The following ROR2 variants were observed in gnomAD, a reference collection of about 807,000 sequenced individuals.
The protein encoded by ROR2 is tyrosine-protein kinase transmembrane receptor ROR2.
Under a neutral mutation model 74.9 loss-of-function variants are expected in ROR2, and 33 were observed. That is an observed-to-expected ratio of 0.44 (90% CI 0.33 to 0.59). The LOEUF is 0.59. ROR2 is among the 20% of genes least tolerant of loss of function. The probability of loss-of-function intolerance (pLI) is 0.02; values close to 1 mark genes in which losing one functional copy is unlikely to be tolerated. For missense variants in ROR2, 1,216 were observed against 1,313.8 expected, an observed-to-expected ratio of 0.93 and a Z score of 1.15; for synonymous variants, 586 against 558.7, an observed-to-expected ratio of 1.05 and a Z score of -0.69.
intron 2 of ROR2, among the ~76,000 whole-genome samples, chr9:91,762,910 C>T (rs185837747): frequency 5.2e-4 from 79 of 152,268 alleles, no homozygotes; most frequent in African/African-American, 1.7e-3. Flanking sequence ...GATGTCTTGT[C>T]CTGTGCATAT....
chr9:91,791,253 G>A (rs969963229), intron 1 of ROR2, among the ~76,000 whole-genome samples: 7 of 152,090 alleles, frequency 4.6e-5, no homozygotes, highest in Non-Finnish European at 8.8e-5. Flanking sequence ...TTAGATACAC[G>A]AATACCACTG....
At chr9:91,756,424 C>T (rs1425594223) in intron 3 of ROR2, among the ~76,000 whole-genome samples, 1 of 152,152 alleles carries the variant, frequency 6.6e-6, no homozygotes, top group Non-Finnish European at 1.5e-5. Flanking sequence ...AGGGCCGGGG[C>T]GTTTGCTGCC....
intron 1 of ROR2, among the ~76,000 whole-genome samples, chr9:91,836,632 G>A (rs888745803): frequency 3.9e-5 from 6 of 152,062 alleles, no homozygotes; most frequent in Non-Finnish European, 5.9e-5. Context: ...GTGCGACAAC[G>A]CAGCTAACTG....
chr9:91,852,808 G>A (rs1248334669), intron 1 of ROR2, among the ~76,000 whole-genome samples: 1 of 152,234 alleles, frequency 6.6e-6, no homozygotes, highest in Non-Finnish European at 1.5e-5. Flanking sequence ...GAACTTGGGG[G>A]ATTCCCCTTC....
chr9:91,790,105 G>A (rs1826922217), intron 1 of ROR2, among the ~76,000 whole-genome samples: 1 of 152,188 alleles, frequency 6.6e-6, no homozygotes, highest in Non-Finnish European at 1.5e-5. Flanking sequence ...TTACAATGGA[G>A]CTGGAAAATT....
chr9:91,852,651 C>CACACACAAACACA (rs1231343818), intron 1 of ROR2, among the ~76,000 whole-genome samples: 1 of 143,182 alleles, frequency 7.0e-6, no homozygotes, highest in African/African-American at 2.7e-5. Context: ...ACACACACAC[C>CACACACAAACACA]CACACACACA....
intron 2 of ROR2, among the ~76,000 whole-genome samples, chr9:91,775,267 T>C (rs1826381661): frequency 6.6e-6 from 1 of 152,210 alleles, no homozygotes; most frequent in Admixed American, 6.5e-5. Context: ...CGGGGGAAAC[T>C]TGTTCTATTG....
Position 91,905,144 on chromosome 9 carries a change from A to G in ROR2, c.97+44723T>C, listed in dbSNP as rs192499004. Among the ~76,000 whole-genome samples the G allele has an allele frequency of 7.9e-3, 1,191 of 149,814 alleles. 10 individuals are homozygous for G. The highest frequency in any genetic ancestry group is 0.013 in the Non-Finnish European group (856 of 67,562). On this transcript the variant is annotated intron_variant, in intron 1 of 8. Transcript: ENST00000375708. The surrounding 1 kb of genome is among the most constrained non-coding windows in gnomAD (Gnocchi z 5.3). ...TATCACACACACACCCCCCACACAA[A>G]TATCACACATGCAAGACACACCACA... is the stretch of plus-strand genomic sequence containing the variant.
chr9:91,920,680 A>G (rs1831241167), intron 1 of ROR2, among the ~76,000 whole-genome samples: 1 of 152,166 alleles, frequency 6.6e-6, no homozygotes, highest in African/African-American at 2.4e-5. Flanking sequence ...ATATCGACAA[A>G]GCAAATGAAG....
intron 1 of ROR2, among the ~76,000 whole-genome samples, chr9:91,833,063 C>A (rs986417018): frequency 1.3e-5 from 2 of 152,176 alleles, no homozygotes; most frequent in Non-Finnish European, 2.9e-5. Flanking sequence ...CTAAGCCCTG[C>A]AACACCCCCA....
chr9:91,757,035 G>A (rs562395855), intron 3 of ROR2, among the ~76,000 whole-genome samples: 8 of 152,204 alleles, frequency 5.3e-5, no homozygotes, highest in African/African-American at 1.7e-4. Context: ...CTCCCAAAGT[G>A]CTGGAATTAC....
chr9:91,753,144 A>G (rs376568851), intron 4 of ROR2, among the ~76,000 whole-genome samples: 1 of 152,270 alleles, frequency 6.6e-6, no homozygotes, highest in African/African-American at 2.4e-5. Flanking sequence ...CTTTCAAGGA[A>G]ATCATGACAT....
chr9:91,790,402 C>T (rs1826932792), intron 1 of ROR2, among the ~76,000 whole-genome samples: 2 of 151,314 alleles, frequency 1.3e-5, no homozygotes, highest in Admixed American at 6.6e-5. Context: ...CCCAGCTACT[C>T]GGGAGGCTGA....
chr9:91,948,035 G>T (rs1452732962), intron 1 of ROR2, among the ~76,000 whole-genome samples: 1 of 152,048 alleles, frequency 6.6e-6, no homozygotes, highest in African/African-American at 2.4e-5. Flanking sequence ...TAAAGAAAAC[G>T]ACTCCAATTG....
At chr9:91,767,188 C>T (rs1255256132) in intron 2 of ROR2, among the ~76,000 whole-genome samples, 1 of 152,036 alleles carries the variant, frequency 6.6e-6, no homozygotes. Flanking sequence ...AATTCTCCTG[C>T]CTCAGCCTCC....
At chr9:91,886,560 C>G (rs1299399136) in intron 1 of ROR2, 1 of 152,538 alleles carries the variant, frequency 6.6e-6, no homozygotes, top group Non-Finnish European at 1.5e-5. Flanking sequence ...CGAGGGGACC[C>G]GCGACCACCA....
chr9:91,834,734 G>A (rs1273790157), intron 1 of ROR2, among the ~76,000 whole-genome samples: 1 of 152,222 alleles, frequency 6.6e-6, no homozygotes, highest in Non-Finnish European at 1.5e-5. Context: ...GAGAGCTCTT[G>A]CGATTTTAAA....
chr9:91,894,718 T>A (rs1830497386), intron 1 of ROR2, among the ~76,000 whole-genome samples: 1 of 152,202 alleles, frequency 6.6e-6, no homozygotes, highest in Non-Finnish European at 1.5e-5. Flanking sequence ...TCCTTTCCAG[T>A]TCCTTCAGTA....
intron 1 of ROR2, among the ~76,000 whole-genome samples, chr9:91,844,067 AG>A (rs1828857180): frequency 6.6e-6 from 1 of 152,092 alleles, no homozygotes; most frequent in Admixed American, 6.5e-5. Flanking sequence ...GGATGAAGGG[AG>A]GGGGCCATCA....
Sources: allele counts gnomAD v4.1 joint callset (sites outside exome capture counted in the v4.1 genomes callset), GRCh38; gene constraint gnomAD v4.1.1; non-coding constraint Gnocchi (gnomAD v3.1); transcripts MANE v1.5; gene names NCBI Gene and HGNC (gene_info 2026-07-23, HGNC 2026-07-21).